DNASE1: variants seen among roughly 807,000 people sequenced by gnomAD.
The protein encoded by DNASE1 is deoxyribonuclease-1.
A neutral mutation model predicts 33.9 loss-of-function variants in DNASE1; 40 were observed. The ratio of observed to expected loss-of-function variants is 1.18; its 90% CI spans 0.92 to 1.54. The LOEUF is 1.54. Ranked by LOEUF, DNASE1 falls within the 40% of genes most tolerant of loss-of-function variation. The pLI is 0.00. For synonymous variants in DNASE1, 216 were observed against 160.0 expected, an observed-to-expected ratio of 1.35 and a Z score of -2.64; for missense variants, 518 against 372.6, an observed-to-expected ratio of 1.39 and a Z score of -3.21.
downstream of DNASE1, chr16:3,662,327 C>G (rs1220893216): frequency 1.0e-5 from 7 of 696,558 alleles, no homozygotes; most frequent in Non-Finnish European, 1.6e-5. Flanking sequence ...CGCAAAGATA[C>G]TGTGCCCGAG....
At chr16:3,642,299 G>C (rs1329806933), upstream of DNASE1, among the ~76,000 whole-genome samples, 2 of 152,204 alleles carry the variant, frequency 1.3e-5, no homozygotes, top group Non-Finnish European at 2.9e-5. Flanking sequence ...CTCCCATTAG[G>C]AGCCATCCTT....
At chr16:3,624,736 A>G (rs1437792767) in intron 1 of DNASE1, among the ~76,000 whole-genome samples, 4 of 152,186 alleles carry the variant, frequency 2.6e-5, no homozygotes, top group African/African-American at 9.7e-5. Flanking sequence ...GCTGGAGTGC[A>G]GTAGTGGGAA....
At chr16:3,663,807 C>A (rs956308255) in exon 10 of DNASE1, 1 of 524,842 alleles carries the variant, frequency 1.9e-6, no homozygotes, top group African/African-American at 1.9e-5. Context: ...AGTGCAGTGG[C>A]TCACGCCTGT....
chr16:3,626,926 C>T (rs116379198), intron 1 of DNASE1, among the ~76,000 whole-genome samples: 1,612 of 152,144 alleles, frequency 0.011, 29 homozygotes, highest in African/African-American at 0.037. Flanking sequence ...GGCTGGAGCA[C>T]GGTGATGTGA....
chr16:3,616,787 A>G (rs1291585689), intron 1 of DNASE1, among the ~76,000 whole-genome samples: 3 of 152,222 alleles, frequency 2.0e-5, no homozygotes, highest in African/African-American at 4.8e-5. Context: ...CTGTACCAGC[A>G]TAAGGATAGA....
At chr16:3,627,076 A>G (rs930595870) in intron 1 of DNASE1, among the ~76,000 whole-genome samples, 11 of 148,316 alleles carry the variant, frequency 7.4e-5, no homozygotes, top group East Asian at 4.0e-4. Context: ...GGGTCTCCCT[A>G]TGTTGCCCAT....
intron 1 of DNASE1, among the ~76,000 whole-genome samples, chr16:3,646,141 A>T (rs2042166240): frequency 1.3e-5 from 2 of 152,166 alleles, no homozygotes; most frequent in Admixed American, 1.3e-4. Context: ...GCTCAAGCCC[A>T]GTGCCCAGAG....
downstream of DNASE1, chr16:3,662,839 G>A (rs1400238175): frequency 1.9e-6 from 3 of 1,596,184 alleles, no homozygotes; most frequent in East Asian, 2.2e-5. Flanking sequence ...GCCTGTTAGG[G>A]ACACTGCGGC....
In DNASE1 at chr16:3,654,824, G is replaced by C. The variant is rs2042491706; in HGVS notation, c.-222G>C. ...ACGGCTCACATTTGCCCCAGGGAAG[G>C]TCACAGCTGCCTGAACTTTTAAAAC... On this transcript the variant is annotated 5_prime_UTR_variant, in exon 1 of 9. Coordinates refer to ENST00000246949, the MANE Select transcript of DNASE1 (RefSeq NM_005223.4). The C allele has an allele frequency of 2.5e-6, 1 of 404,144 alleles. No homozygotes were observed. Among genetic ancestry groups the C allele is most frequent in the South Asian group, 1.2e-4 (1 of 8,348 alleles). The allele number at this position is 404,144 out of a possible 1,614,324, so 25.0% of individuals were successfully genotyped here.
intron 1 of DNASE1, among the ~76,000 whole-genome samples, chr16:3,625,653 T>C (rs964390147): frequency 6.6e-6 from 1 of 151,366 alleles, no homozygotes; most frequent in Non-Finnish European, 1.5e-5. Context: ...AAACGGCCAA[T>C]ATAGAATAAA....
intron 2 of DNASE1, 105 bp from the exon 3 acceptor site, chr16:3,655,744 T>G (rs1371551281): frequency 2.7e-6 from 4 of 1,493,408 alleles, no homozygotes; most frequent in Non-Finnish European, 3.7e-6. Flanking sequence ...AGGCTGCGGT[T>G]AAACCGAGCA....
upstream of DNASE1, among the ~76,000 whole-genome samples, chr16:3,638,061 AT>A (rs992314026): frequency 6.6e-6 from 1 of 151,402 alleles, no homozygotes; most frequent in Non-Finnish European, 1.5e-5. Flanking sequence ...TTTTAATGAT[AT>A]TTTTGGTAGA....
chr16:3,642,090 C>A (rs2042038124), upstream of DNASE1, among the ~76,000 whole-genome samples: 1 of 152,176 alleles, frequency 6.6e-6, no homozygotes. Flanking sequence ...GCACAGAGTT[C>A]CTGCTGGGCT....
At chr16:3,615,252 G>T (rs536384643) in intron 1 of DNASE1, among the ~76,000 whole-genome samples, 1 of 152,128 alleles carries the variant, frequency 6.6e-6, no homozygotes, top group South Asian at 2.1e-4. Context: ...GCAAGAGCTG[G>T]GTCAGGGTGG....
downstream of DNASE1, chr16:3,661,824 T>G: frequency 1.1e-6 from 1 of 916,848 alleles, no homozygotes; most frequent in Non-Finnish European, 1.5e-6. Context: ...CAGGTTCCAT[T>G]TCACATGGGT....
At chr16:3,630,018 C>T (rs942496669) in intron 1 of DNASE1, among the ~76,000 whole-genome samples, 5 of 151,842 alleles carry the variant, frequency 3.3e-5, no homozygotes, top group African/African-American at 1.2e-4. Context: ...GAGATTTTAC[C>T]ATGTTGGCCA....
intron 1 of DNASE1, among the ~76,000 whole-genome samples, chr16:3,620,801 AAG>A (rs2041281376): frequency 6.6e-6 from 1 of 150,622 alleles, no homozygotes. Context: ...TTTTTTTAAA[AAG>A]TTTATTATTT....
chr16:3,612,245 A>G (rs1162002345), intron 1 of DNASE1, among the ~76,000 whole-genome samples: 1 of 151,982 alleles, frequency 6.6e-6, no homozygotes, highest in African/African-American at 2.4e-5. Flanking sequence ...GAGCCATTGA[A>G]GGTTTTTTGT....
chr16:3,634,211 C>A (rs1411303300), intron 1 of DNASE1, among the ~76,000 whole-genome samples: 1 of 151,420 alleles, frequency 6.6e-6, no homozygotes, highest in Non-Finnish European at 1.5e-5. Context: ...TTTTTGTTGT[C>A]GAGACAGGGT....
Sources: allele counts gnomAD v4.1 joint callset (sites outside exome capture counted in the v4.1 genomes callset), GRCh38; gene constraint gnomAD v4.1.1; transcripts MANE v1.5; gene names NCBI Gene and HGNC (gene_info 2026-07-23, HGNC 2026-07-21).